ADGRG6: variants seen among roughly 807,000 people sequenced by gnomAD.
ADGRG6 encodes the protein adhesion G protein-coupled receptor G6.
A neutral mutation model predicts 142.4 loss-of-function variants in ADGRG6; 84 were observed. The observed-to-expected ratio is 0.59, with a 90% confidence interval of 0.49 to 0.71. ADGRG6 has a LOEUF of 0.71. Ranked by LOEUF, ADGRG6 falls within the 30% of genes least tolerant of loss-of-function variation. ADGRG6 has a pLI of 0.00. For synonymous variants in ADGRG6, 521 were observed against 520.5 expected (o/e 1.00, Z -0.01); for missense variants, 1,367 against 1,466.6 (o/e 0.93, Z 1.11).
In ADGRG6 at chr6:142,382,012, C is replaced by G; in HGVS notation, c.1131C>G (p.Leu377=). 6.3e-7 allele frequency: 1 copy of G among 1,597,046 alleles called. No individual in the cohort carries two copies. The highest frequency in any genetic ancestry group is 8.6e-7 in the Non-Finnish European group (1 of 1,168,008). Reference sequence around the variant, plus strand: ...CCAGCTGTGCAGACCTGGGGACCCTCTGTCAAGGTAGGGAGCCCACACCGT... The same window carrying G: ...CCAGCTGTGCAGACCTGGGGACCCTGTGTCAAGGTAGGGAGCCCACACCGT... The part of the protein sequence containing the change: ...ELASCADLGT[L]CQATVNSPST... Residue 377 remains leucine (L), a synonymous_variant, in exon 5 of 25, where the codon CTC becomes CTG. Coordinates refer to ENST00000367609, the MANE Select transcript of ADGRG6 (RefSeq NM_198569.3).
chr6:142,410,218 C>T (rs1241948422), intron 17 of ADGRG6, among the ~76,000 whole-genome samples: 1 of 152,068 alleles, frequency 6.6e-6, no homozygotes, highest in East Asian at 1.9e-4. Flanking sequence ...TTTATTGCTA[C>T]TTTTGATGAA....
chr6:142,348,868 T>C (rs1780028782), intron 2 of ADGRG6, among the ~76,000 whole-genome samples: 1 of 152,210 alleles, frequency 6.6e-6, no homozygotes, highest in South Asian at 2.1e-4. Context: ...TTTGAATTGA[T>C]TGGGATTTGA....
chr6:142,382,775 T>G (rs2114933857), intron 5 of ADGRG6, among the ~76,000 whole-genome samples: 1 of 152,314 alleles, frequency 6.6e-6, no homozygotes, highest in African/African-American at 2.4e-5. Context: ...ATGCCTTTTG[T>G]AAAAGCTGGA....
intron 7 of ADGRG6, among the ~76,000 whole-genome samples, chr6:142,391,792 G>A (rs1774912638): frequency 6.6e-6 from 1 of 151,544 alleles, no homozygotes; most frequent in Non-Finnish European, 1.5e-5. Flanking sequence ...TGTTCTTTTT[G>A]TTTAAAGTTA....
rs1775659652 is a variant in ADGRG6 at position 142,403,816 on chromosome 6, T to C, written c.1970T>C (p.Ile657Thr). ...LESSSEALKTIDELAFKIDLN... is the reference protein window; with the variant it reads ...LESSSEALKTTDELAFKIDLN... ...CGTTACTTTAGAGCTTTAAAAACAATTGATGAATTGGCCTTCAAGATAGAC... is the reference window on the plus strand; with the variant it reads ...CGTTACTTTAGAGCTTTAAAAACAACTGATGAATTGGCCTTCAAGATAGAC... The change falls in exon 14 of 25, where the codon ATT becomes ACT. Residue 657 changes from isoleucine to threonine, a missense_variant. This residue lies in a region of ADGRG6 where 286 missense variants were observed against 371.4 expected (regional missense o/e 0.77). Transcript: ENST00000367609. 2.5e-6 allele frequency: 4 copies of C among 1,579,390 alleles called. No individual in the cohort carries two copies. Among genetic ancestry groups the C allele is most frequent in the East Asian group, 2.3e-5 (1 of 44,104 alleles).
intron 2 of ADGRG6, among the ~76,000 whole-genome samples, chr6:142,352,998 CT>C (rs1780263702): frequency 1.3e-5 from 2 of 152,182 alleles, no homozygotes; most frequent in Non-Finnish European, 2.9e-5. Context: ...AAACCCAAGC[CT>C]TTCCCTATGT....
At chr6:142,304,851 C>T (rs1340023758) in intron 1 of ADGRG6, among the ~76,000 whole-genome samples, 1 of 151,974 alleles carries the variant, frequency 6.6e-6, no homozygotes, top group Non-Finnish European at 1.5e-5. Flanking sequence ...TGTTAAGATG[C>T]ATACTAATTG....
intron 6 of ADGRG6, among the ~76,000 whole-genome samples, chr6:142,384,513 G>T (rs571587414): frequency 6.6e-5 from 10 of 152,196 alleles, no homozygotes; most frequent in Middle Eastern, 3.4e-3. Context: ...CAGGTGAGTG[G>T]AATTCTTTAA....
intron 18 of ADGRG6, among the ~76,000 whole-genome samples, chr6:142,412,510 C>T (rs1776138482): frequency 6.6e-6 from 1 of 152,124 alleles, no homozygotes; most frequent in Admixed American, 6.6e-5. Context: ...TATGGCAACC[C>T]TGCAAGTTGT....
chr6:142,437,456 C>G lies in ADGRG6; in HGVS notation c.3342C>G (p.His1114Gln), dbSNP rs1777536368. The G allele has an allele frequency of 6.4e-7, 1 of 1,556,932 alleles. No homozygotes were observed. Among genetic ancestry groups the G allele is most frequent in the Non-Finnish European group, 8.9e-7 (1 of 1,129,120 alleles). The change falls in exon 23 of 25, where the codon CAC becomes CAG. Residue 1114 changes from histidine to glutamine, a missense_variant. Physicochemically the swap from His to Gln is conservative, Grantham distance 24 (BLOSUM62 0). Coordinates refer to ENST00000367609, the MANE Select transcript of ADGRG6 (RefSeq NM_198569.3). ...CAGGCTTATTTATATTCATCTTCCA[C>G]TGTGCTATGAAGGAGAATGTTCAGA... The part of the protein sequence containing the change: ...SLQGLFIFIF[H>Q]CAMKENVQKQ...
chr6:142,364,358 A>G (rs151232471), intron 2 of ADGRG6, among the ~76,000 whole-genome samples: 1,570 of 152,292 alleles, frequency 0.01, 9 homozygotes, highest in South Asian at 0.019. Context: ...GGAAGAATGT[A>G]TCAAATGTTC....
intron 2 of ADGRG6, among the ~76,000 whole-genome samples, chr6:142,313,566 A>G (rs1219079948): frequency 6.6e-6 from 1 of 152,206 alleles, no homozygotes; most frequent in African/African-American, 2.4e-5. Flanking sequence ...ATGAGACATC[A>G]ACAGCTACCA....
intron 18 of ADGRG6, among the ~76,000 whole-genome samples, chr6:142,413,898 A>AACACACAC (rs1554252954): frequency 9.5e-4 from 85 of 89,932 alleles, no homozygotes; most frequent in African/African-American, 4.1e-3. Context: ...ACATTTCTTT[A>AACACACAC]TCACACACAC....
In ADGRG6 at chr6:142,429,785, C is replaced by G. The variant is rs137918210; in HGVS notation, c.3320-7649C>G. On this transcript the variant is annotated intron_variant, in intron 22 of 24. Transcript: ENST00000367609. ...CTCCAGAACTGATCAGGTGTAGTGG[C>G]TCACGCCTATAATACCAGTGCTTTG... 2.5e-3 allele frequency among the ~76,000 whole-genome samples: 387 copies of G among 152,266 alleles called. 6 individuals carry two copies. Among genetic ancestry groups the G allele is most frequent in the Non-Finnish European group, 6.9e-4 (47 of 68,022 alleles).
chr6:142,321,878 A>G lies in ADGRG6; in HGVS notation c.103+12234A>G, dbSNP rs184302871. 3.9e-5 allele frequency among the ~76,000 whole-genome samples: 6 copies of G among 152,240 alleles called. No individual in the cohort carries two copies. The East Asian group carries it at 1.2e-3, about 29-fold the overall frequency. Reference sequence around the variant, plus strand: ...ACAGTCTCATCCAGTTAAAATATACAAGTAATAGTTTTAGGACACAATTAA... The same window carrying G: ...ACAGTCTCATCCAGTTAAAATATACGAGTAATAGTTTTAGGACACAATTAA... On this transcript the variant is annotated intron_variant, in intron 2 of 24. Coordinates refer to ENST00000367609, the MANE Select transcript of ADGRG6 (RefSeq NM_198569.3).
chr6:142,398,397 C>T (rs1196401774), intron 10 of ADGRG6, among the ~76,000 whole-genome samples: 1 of 152,192 alleles, frequency 6.6e-6, no homozygotes. Context: ...TGCACTCCAG[C>T]CTGGGCAGCA....
At chr6:142,325,549 A>C (rs1778732721) in intron 2 of ADGRG6, among the ~76,000 whole-genome samples, 1 of 152,164 alleles carries the variant, frequency 6.6e-6, no homozygotes, top group African/African-American at 2.4e-5. Context: ...TATTTTTTGC[A>C]ATATAATGAA....
intron 2 of ADGRG6, among the ~76,000 whole-genome samples, chr6:142,345,367 C>T (rs746010101): frequency 3.9e-5 from 6 of 152,020 alleles, no homozygotes; most frequent in Non-Finnish European, 8.8e-5. Context: ...TGGCTGATCA[C>T]TATAAACATT....
intron 22 of ADGRG6, among the ~76,000 whole-genome samples, chr6:142,420,368 T>C (rs1776603161): frequency 1.3e-5 from 2 of 152,314 alleles, no homozygotes; most frequent in African/African-American, 4.8e-5. Flanking sequence ...CATAAATGCA[T>C]ATTATTTCAT....
Sources: allele counts gnomAD v4.1 joint callset (sites outside exome capture counted in the v4.1 genomes callset), GRCh38; gene constraint gnomAD v4.1.1; regional missense constraint gnomAD v4.1.1; transcripts MANE v1.5; gene names NCBI Gene and HGNC (gene_info 2026-07-23, HGNC 2026-07-21).